CCDC126: variants seen among roughly 807,000 people sequenced by gnomAD.
CCDC126 encodes the protein coiled-coil domain-containing protein 126.
Under a neutral mutation model 11.7 loss-of-function variants are expected in CCDC126, and 5 were observed. The observed-to-expected ratio is 0.43, with a 90% CI of 0.22 to 0.90. The LOEUF (loss-of-function observed/expected upper bound fraction) is 0.90, where lower values mean the gene tolerates loss of function less well. CCDC126 is among the 40% of genes least tolerant of loss of function. The probability of loss-of-function intolerance (pLI) is 0.27; values close to 1 mark genes in which losing one functional copy is unlikely to be tolerated. For missense variants in CCDC126, 150 were observed against 163.1 expected (o/e 0.92, Z 0.44); for synonymous variants, 60 against 61.9 (o/e 0.97, Z 0.14).
chr7:23,599,585 C>A (rs746682928), intron 2 of CCDC126, among the ~76,000 whole-genome samples: 1 of 151,658 alleles, frequency 6.6e-6, no homozygotes, highest in Non-Finnish European at 1.5e-5. Flanking sequence ...GCAACTTCTA[C>A]CTTTTGGGTT....
rs1782457853 is a variant in CCDC126, at chr7:23,597,968, T to C, written c.-229T>C. On this transcript the variant is annotated splice_region_variant and 5_prime_UTR_variant, in exon 2 of 4. Transcript: ENST00000307471. ...CACTTCTTTTTCTGTTTTTGACAGC[T>C]CAGTTCTCTTCTACTTTGGGAGAGA... 6.6e-6 allele frequency: 1 copy of C among 152,368 alleles called. No individual in the cohort carries two copies. Among genetic ancestry groups the C allele is most frequent in the East Asian group, 1.9e-4 (1 of 5,184 alleles). 9.4% of individuals were successfully genotyped at this position (152,368 alleles called of 1,614,324 possible). A position where few individuals can be genotyped will look rare whatever the true frequency, so the allele number is the denominator to read the frequency against.
intron 2 of CCDC126, among the ~76,000 whole-genome samples, chr7:23,609,753 T>G (rs140865370): frequency 2.0e-3 from 301 of 152,132 alleles, no homozygotes; most frequent in Middle Eastern, 6.8e-3. Flanking sequence ...TCCCAGCTAC[T>G]CGGGAGGCTG....
At position 23,611,375 on chromosome 7, in the gene CCDC126, A is replaced by G. The variant is rs781710707; in HGVS notation, c.60A>G (p.Val20=). Residue 20 remains valine, a synonymous_variant, in exon 3 of 4, where the codon GTA becomes GTG. Coordinates refer to ENST00000307471, the MANE Select transcript of CCDC126 (RefSeq NM_138771.4). ...AGAAATTGAGTTTACTGTTGCTTGT[A>G]TTTGGACTCATTTGGGGATTGATGT... ...MSQKLSLLLL[V]FGLIWGLMLL... 10 of 1,613,828 alleles carry G rather than the reference A, an allele frequency of 6.2e-6. No homozygotes were observed. The highest frequency in any genetic ancestry group is 1.1e-5 in the South Asian group (1 of 91,070).
intron 3 of CCDC126, among the ~76,000 whole-genome samples, chr7:23,631,912 G>A (rs1000496964): frequency 1.3e-4 from 20 of 152,004 alleles, no homozygotes; most frequent in African/African-American, 4.4e-4. Flanking sequence ...AAAATAGAAG[G>A]GGAAGGAGCA....
chr7:23,609,552 A>G (rs1023302957), intron 2 of CCDC126, among the ~76,000 whole-genome samples: 3 of 152,146 alleles, frequency 2.0e-5, no homozygotes, highest in African/African-American at 7.2e-5. Flanking sequence ...GGGAAAGGTA[A>G]ACTAAAAACT....
chr7:23,600,376 C>CA (rs1193561038), intron 2 of CCDC126, among the ~76,000 whole-genome samples: 2 of 103,314 alleles, frequency 1.9e-5, no homozygotes, highest in Admixed American at 9.2e-5. Flanking sequence ...CTGTGTTAAC[C>CA]CCCCCCCCCC....
rs532567673 is a variant in CCDC126, at chr7:23,632,319, C to T, written c.239-10612C>T. Among the ~76,000 whole-genome samples the T allele has an allele frequency of 5.9e-4, 90 of 152,278 alleles. 1 individual carries two copies. In the Middle Eastern group the frequency reaches 0.01, roughly 17 times the overall value. On this transcript the variant is annotated intron_variant, in intron 3 of 3. Transcript: ENST00000307471. Reference sequence around the variant, plus strand: ...CATGTTGGCCAGGCTGGTCTTGGAACTCCTGACCTCAAGTGATCCGCCCGC... The same window carrying T: ...CATGTTGGCCAGGCTGGTCTTGGAATTCCTGACCTCAAGTGATCCGCCCGC...
In CCDC126 at chr7:23,611,407, A is replaced by T; in HGVS notation, c.92A>T (p.His31Leu). ...FGLIWGLMLLHYTFQQPRHQS... is the reference protein window; with the variant it reads ...FGLIWGLMLLLYTFQQPRHQS... ...CTCATTTGGGGATTGATGTTACTGCACTATACTTTTCAACAACCAAGACAT... is the reference window on the plus strand; with the variant it reads ...CTCATTTGGGGATTGATGTTACTGCTCTATACTTTTCAACAACCAAGACAT... Residue 31 changes from histidine to leucine, a missense_variant, in exon 3 of 4, where the codon CAC becomes CTC. Transcript: ENST00000307471. 5 of 1,613,892 alleles carry T rather than the reference A, an allele frequency of 3.1e-6. No homozygotes were observed. Among genetic ancestry groups the T allele is most frequent in the Non-Finnish European group, 4.2e-6 (5 of 1,179,812 alleles).
Position 23,644,047 on chromosome 7 carries a change from A to G in CCDC126, c.*932A>G, listed in dbSNP as rs1193260539. The stretch of plus-strand genomic sequence containing the variant: ...GGAGAATGGAACTCTTGAGGACTTT[A>G]GCCAGGTGTATATAATAAAGGTACT... On this transcript the variant is annotated 3_prime_UTR_variant, in exon 4 of 4. Transcript: ENST00000307471. The G allele has an allele frequency of 1.3e-5, 2 of 152,120 alleles. No individual in the cohort carries two copies. The highest frequency in any genetic ancestry group is 2.9e-5 in the Non-Finnish European group (2 of 67,956). 9.4% of individuals were successfully genotyped at this position (152,120 alleles called of 1,614,324 possible).
intron 3 of CCDC126, among the ~76,000 whole-genome samples, chr7:23,642,223 A>G (rs1329091811): frequency 6.6e-6 from 1 of 152,042 alleles, no homozygotes; most frequent in Admixed American, 6.6e-5. Flanking sequence ...CGTGTTAGAC[A>G]GGATGGTCTC....
chr7:23,605,584 G>A (rs1782610441), intron 2 of CCDC126, among the ~76,000 whole-genome samples: 2 of 152,138 alleles, frequency 1.3e-5, no homozygotes, highest in African/African-American at 4.8e-5. Context: ...CTGAAACTCT[G>A]TACCCATTAA....
intron 3 of CCDC126, among the ~76,000 whole-genome samples, chr7:23,621,057 T>C (rs1445686795): frequency 6.6e-6 from 1 of 152,248 alleles, no homozygotes; most frequent in Admixed American, 6.5e-5. Flanking sequence ...GACTTGGCAA[T>C]GCGGGCTCTT....
intron 2 of CCDC126, among the ~76,000 whole-genome samples, chr7:23,605,103 C>T (rs1782600888): frequency 6.6e-6 from 1 of 151,622 alleles, no homozygotes; most frequent in Admixed American, 6.6e-5. Flanking sequence ...GACATTTGAA[C>T]TAAGTACTAA....
chr7:23,611,585 T>C (rs764677940), intron 3 of CCDC126, 32 bp downstream of exon 3: 8 of 1,454,054 alleles, frequency 5.5e-6, no homozygotes, highest in Non-Finnish European at 7.7e-6. Flanking sequence ...TCTAGTTTCC[T>C]CCAATCCCTG....
Position 23,639,190 on chromosome 7 carries a change from G to A in CCDC126, c.239-3741G>A, listed in dbSNP as rs1584220977. 4.8e-5 allele frequency among the ~76,000 whole-genome samples: 7 copies of A among 146,644 alleles called. No individual in the cohort carries two copies. The South Asian group carries it at 1.5e-3, about 31-fold the overall frequency. On this transcript the variant is annotated intron_variant, in intron 3 of 3. Transcript: ENST00000307471. ...CACAATTGGCTAACATTTTTTTTATGTCTTTTTTTTTTTTTTTTTGAGATG... is the reference window on the plus strand; with the variant it reads ...CACAATTGGCTAACATTTTTTTTATATCTTTTTTTTTTTTTTTTTGAGATG...
At chr7:23,626,880 C>T (rs1454335524) in intron 3 of CCDC126, among the ~76,000 whole-genome samples, 1 of 152,200 alleles carries the variant, frequency 6.6e-6, no homozygotes, top group Non-Finnish European at 1.5e-5. Flanking sequence ...ACATTTTGAA[C>T]AGTTAATGTG....
In CCDC126 at chr7:23,615,710, G is replaced by T. The variant is rs138526806; in HGVS notation, c.238+4157G>T. Among the ~76,000 whole-genome samples, 641 of 152,310 alleles carry T rather than the reference G, an allele frequency of 4.2e-3. 4 individuals carry two copies. The highest frequency in any genetic ancestry group is 0.015 in the African/African-American group (623 of 41,578). On this transcript the variant is annotated intron_variant, in intron 3 of 3. Coordinates refer to ENST00000307471, the MANE Select transcript of CCDC126 (RefSeq NM_138771.4). ...AATTTCAATATTGTTATGTCTAAGG[G>T]AATAGGGAGGCCTGAAGAGAGGGAG...
intron 3 of CCDC126, among the ~76,000 whole-genome samples, chr7:23,624,607 A>G (rs955174890): frequency 1.3e-5 from 2 of 152,230 alleles, no homozygotes; most frequent in Admixed American, 6.5e-5. Context: ...ATAAATGAGC[A>G]TGCCTATTTC....
At chr7:23,601,190 C>T (rs905559674) in intron 2 of CCDC126, among the ~76,000 whole-genome samples, 1 of 152,154 alleles carries the variant, frequency 6.6e-6, no homozygotes, top group African/African-American at 2.4e-5. Flanking sequence ...TTGAGACCAG[C>T]CTGGGCAACA....
Sources: gnomAD v4.1 joint callset for allele counts (sites outside exome capture counted in the v4.1 genomes callset) on GRCh38, gnomAD v4.1.1 for gene constraint, MANE v1.5 for transcripts, NCBI Gene and HGNC (gene_info 2026-07-23, HGNC 2026-07-21) for gene names.